Variants in ORC4 observed in about 807,000 individuals in gnomAD.
ORC4 encodes origin recognition complex subunit 4.
Under a neutral mutation model 63.9 loss-of-function variants are expected in ORC4, and 55 were observed. The ratio of observed to expected loss-of-function variants is 0.86; its 90% CI spans 0.69 to 1.08. ORC4 has a LOEUF of 1.08. Among genes scored for constraint, ORC4 ranks in the 50% least tolerant of loss-of-function variants. The probability of loss-of-function intolerance (pLI) is 0.00; values close to 1 mark genes in which losing one functional copy is unlikely to be tolerated. For missense variants in ORC4, 511 were observed against 504.4 expected (o/e 1.01, Z -0.13); for synonymous variants, 150 against 168.5 (o/e 0.89, Z 0.85).
intron 1 of ORC4, among the ~76,000 whole-genome samples, chr2:147,976,658 T>C (rs1427226672): frequency 1.3e-5 from 2 of 152,128 alleles, no homozygotes; most frequent in Non-Finnish European, 2.9e-5. Flanking sequence ...TTCCCTTTCT[T>C]GCTCCACTCA....
chr2:147,935,828 A>T (rs921939843), intron 13 of ORC4, 130 bp from the exon 14 acceptor site: 14 of 702,652 alleles, frequency 2.0e-5, no homozygotes, highest in African/African-American at 5.3e-5. Context: ...ATGTAACAAC[A>T]ATCAATAGGA....
chr2:147,976,492 CCT>C (rs1573827387), intron 1 of ORC4, among the ~76,000 whole-genome samples: 2 of 152,094 alleles, frequency 1.3e-5, no homozygotes, highest in South Asian at 2.1e-4. Flanking sequence ...ACCTACAATA[CCT>C]CCAGGCCTGT....
intron 4 of ORC4, among the ~76,000 whole-genome samples, chr2:147,965,984 T>C (rs1325861671): frequency 6.6e-6 from 1 of 152,066 alleles, no homozygotes; most frequent in Non-Finnish European, 1.5e-5. Flanking sequence ...GGTGGGAGGA[T>C]CCCTTGAGCC....
chr2:148,015,282 T>C (rs931598527), intron 1 of ORC4, among the ~76,000 whole-genome samples: 17 of 151,746 alleles, frequency 1.1e-4, no homozygotes, highest in African/African-American at 3.9e-4. Flanking sequence ...TTTTGCATTG[T>C]TGGAATTTGC....
chr2:148,008,873 T>A lies in ORC4; in HGVS notation c.-18+11760A>T, dbSNP rs574592223. Among the ~76,000 whole-genome samples, 7 of 152,284 alleles carry A rather than the reference T, an allele frequency of 4.6e-5. No individual in the cohort carries two copies. The East Asian group carries it at 1.4e-3, about 29-fold the overall frequency. On this transcript the variant is annotated intron_variant, in intron 1 of 13. Transcript: ENST00000392857. Reference sequence around the variant, plus strand: ...TCTATATAGAAGTAGCTTGCCTTGCTGAATATTAAAAAGAAAATTTTGTAT... The same window carrying A: ...TCTATATAGAAGTAGCTTGCCTTGCAGAATATTAAAAAGAAAATTTTGTAT...
At position 147,948,041 on chromosome 2, in the gene ORC4, T is replaced by C; in HGVS notation, c.762+10A>G. On this transcript the variant is annotated intron_variant, in intron 9 of 13. Transcript: ENST00000392857. Reference sequence around the variant, plus strand: ...CAAGGAACATTTAGCTTTATTGCCTTTTAAGATACCTGAACATTTTCATTC... The same window carrying C: ...CAAGGAACATTTAGCTTTATTGCCTCTTAAGATACCTGAACATTTTCATTC... The C allele has an allele frequency of 6.2e-7, 1 of 1,607,112 alleles. No individual in the cohort carries two copies.
intron 1 of ORC4, among the ~76,000 whole-genome samples, chr2:148,017,421 C>T (rs1024586591): frequency 1.3e-5 from 2 of 152,206 alleles, no homozygotes; most frequent in East Asian, 3.9e-4. Flanking sequence ...TCTGTGATCC[C>T]ATCACTTTGG....
At chr2:147,955,303 G>A in intron 7 of ORC4, 44 bp downstream of exon 7, 1 of 1,375,382 alleles carries the variant, frequency 7.3e-7, no homozygotes, top group Non-Finnish European at 1.0e-6. Flanking sequence ...AAAAAATAAA[G>A]TTAAAACAGA....
At chr2:147,963,427 C>A (rs1368455496) in intron 4 of ORC4, among the ~76,000 whole-genome samples, 1 of 152,172 alleles carries the variant, frequency 6.6e-6, no homozygotes, top group South Asian at 2.1e-4. Context: ...AGTGGGCATG[C>A]CCATAAGCCA....
intron 13 of ORC4, among the ~76,000 whole-genome samples, chr2:147,937,669 C>T (rs924831753): frequency 1.3e-5 from 2 of 152,156 alleles, no homozygotes; most frequent in Admixed American, 1.3e-4. Context: ...ACATGGCTCA[C>T]ATTATCTTTG....
At chr2:147,966,385 G>A (rs1304234443) in intron 4 of ORC4, among the ~76,000 whole-genome samples, 1 of 151,828 alleles carries the variant, frequency 6.6e-6, no homozygotes. Flanking sequence ...CCCCAAATTA[G>A]TCAAAGGAAA....
intron 4 of ORC4, among the ~76,000 whole-genome samples, chr2:147,970,014 T>C (rs1690120748): frequency 6.6e-6 from 1 of 152,084 alleles, no homozygotes; most frequent in Non-Finnish European, 1.5e-5. Flanking sequence ...TATAGCAAGG[T>C]TGCAGAATAC....
chr2:147,999,099 A>T (rs12053401), intron 1 of ORC4, among the ~76,000 whole-genome samples: 50,241 of 152,158 alleles, frequency 0.33, 8,567 homozygotes, highest in East Asian at 0.52. Context: ...CAAGTTCACT[A>T]AATAACTGGT....
At chr2:147,951,718 G>A (rs547221400) in intron 8 of ORC4, 1 of 152,160 alleles carries the variant, frequency 6.6e-6, no homozygotes, top group South Asian at 2.1e-4. Flanking sequence ...AATGGGCCAA[G>A]GCACTCTTCA....
chr2:147,995,540 A>G (rs1286595789), intron 1 of ORC4, among the ~76,000 whole-genome samples: 1 of 151,738 alleles, frequency 6.6e-6, no homozygotes, highest in Admixed American at 6.6e-5. Context: ...GCTGCTGCTC[A>G]CTCTTTGGGT....
chr2:147,954,710 T>C (rs994158726), intron 7 of ORC4, among the ~76,000 whole-genome samples: 1 of 152,092 alleles, frequency 6.6e-6, no homozygotes, highest in Non-Finnish European at 1.5e-5. Context: ...TAACCAGAAT[T>C]ATGCAAATTA....
chr2:147,954,934 T>C (rs1689160476), intron 7 of ORC4, among the ~76,000 whole-genome samples: 1 of 152,054 alleles, frequency 6.6e-6, no homozygotes, highest in Non-Finnish European at 1.5e-5. Flanking sequence ...AATATCTGGA[T>C]GATCATCAAA....
intron 1 of ORC4, among the ~76,000 whole-genome samples, chr2:147,985,301 A>T (rs946663776): frequency 2.0e-5 from 3 of 152,032 alleles, no homozygotes; most frequent in African/African-American, 7.2e-5. Flanking sequence ...GGTTCACACC[A>T]TTCTCCTCCC....
At chr2:147,956,742 C>T (rs1171316254) in intron 6 of ORC4, among the ~76,000 whole-genome samples, 1 of 152,046 alleles carries the variant, frequency 6.6e-6, no homozygotes. Context: ...TTGGGTACAA[C>T]TTAAACTAAT....
Sources: allele counts gnomAD v4.1 joint callset (sites outside exome capture counted in the v4.1 genomes callset), GRCh38; gene constraint gnomAD v4.1.1; transcripts MANE v1.5; gene names NCBI Gene and HGNC (gene_info 2026-07-23, HGNC 2026-07-21).